Variants in LHFPL3 observed in about 807,000 individuals in gnomAD.
LHFPL3 encodes the protein LHFPL tetraspan subfamily member 3 protein.
LHFPL3 carries 5 observed loss-of-function variants against 19.3 expected under a neutral mutation model. That is an observed-to-expected ratio of 0.26 (90% CI 0.14 to 0.54). LHFPL3 has a LOEUF of 0.54. LHFPL3 is among the 20% of genes least tolerant of loss of function. The pLI is 0.94. For missense variants in LHFPL3, 249 were observed against 307.4 expected, an observed-to-expected ratio of 0.81 and a Z score of 1.42; for synonymous variants, 133 against 126.2, an observed-to-expected ratio of 1.05 and a Z score of -0.36.
intron 1 of LHFPL3, among the ~76,000 whole-genome samples, chr7:104,359,500 A>T (rs748024190): frequency 1.3e-5 from 2 of 152,230 alleles, no homozygotes; most frequent in Non-Finnish European, 2.9e-5. Flanking sequence ...ATGTAAAAAA[A>T]CTAAGTTTAA....
At chr7:104,575,577 A>C (rs1397400290) in intron 1 of LHFPL3, among the ~76,000 whole-genome samples, 2 of 149,726 alleles carry the variant, frequency 1.3e-5, no homozygotes, top group East Asian at 3.9e-4. Context: ...AAAAAAAAAA[A>C]AAAAAAAAAC....
At chr7:104,680,635 A>G (rs1792677789) in intron 1 of LHFPL3, among the ~76,000 whole-genome samples, 1 of 152,168 alleles carries the variant, frequency 6.6e-6, no homozygotes, top group Non-Finnish European at 1.5e-5. Context: ...CAGATCCTGA[A>G]AGCCTTTTGG....
chr7:104,874,316 T>C (rs1478444626), intron 2 of LHFPL3, among the ~76,000 whole-genome samples: 1 of 152,076 alleles, frequency 6.6e-6, no homozygotes, highest in African/African-American at 2.4e-5. Context: ...ATATTTGACT[T>C]ATATAAAAAG....
At chr7:104,496,325 T>C (rs1793479701) in intron 1 of LHFPL3, among the ~76,000 whole-genome samples, 1 of 152,232 alleles carries the variant, frequency 6.6e-6, no homozygotes, top group South Asian at 2.1e-4. Context: ...CTGCATAGTA[T>C]TCCATGGTGT....
chr7:104,507,126 C>T (rs1793714540), intron 1 of LHFPL3, among the ~76,000 whole-genome samples: 1 of 151,980 alleles, frequency 6.6e-6, no homozygotes, highest in Non-Finnish European at 1.5e-5. Flanking sequence ...TTTATAACAC[C>T]AAATACATTA....
At chr7:104,613,224 T>G (rs1199342083) in intron 1 of LHFPL3, among the ~76,000 whole-genome samples, 1 of 152,186 alleles carries the variant, frequency 6.6e-6, no homozygotes, top group Non-Finnish European at 1.5e-5. Context: ...TCCTGGCCAT[T>G]TAAAAGGAGT....
rs531408200 is a variant in LHFPL3 at position 104,438,812 on chromosome 7, A to AT, written c.445+109594dup. Among the ~76,000 whole-genome samples, 14 of 144,108 alleles carry AT rather than the reference A, an allele frequency of 9.7e-5. No individual in the cohort carries two copies. The South Asian group carries it at 3.0e-3, about 30-fold the overall frequency. 94.5% of individuals were successfully genotyped at this position (144,108 alleles called of 152,430 possible). A position where few individuals can be genotyped will look rare whatever the true frequency, so the allele number is the denominator to read the frequency against. On this transcript the variant is annotated intron_variant, in intron 1 of 2. Coordinates refer to ENST00000424859, the MANE Select transcript of LHFPL3 (RefSeq NM_199000.3). Reference sequence around the variant, plus strand: ...GAGAAATTTAACAAACCAAAAGTTGATTTTTTAAAAAAACAACAAAATTGT... The same window carrying AT: ...GAGAAATTTAACAAACCAAAAGTTGATTTTTTTAAAAAAACAACAAAATTGT...
At chr7:104,511,419 C>A (rs42209) in intron 1 of LHFPL3, among the ~76,000 whole-genome samples, 76,639 of 151,994 alleles carry the variant, frequency 0.5, 19,752 homozygotes, top group African/African-American at 0.59. Flanking sequence ...TTTCCTAAAA[C>A]ACTGAAACAT....
intron 1 of LHFPL3, among the ~76,000 whole-genome samples, chr7:104,430,448 ATATATATTTTTTTTTTTTTTTTTT>A (rs1791974095): frequency 9.5e-5 from 2 of 21,100 alleles, no homozygotes; most frequent in African/African-American, 5.5e-4. Flanking sequence ...ATATATATAT[ATATATATTTTTTTTTTTTTTTTTT>A]TTTTTTTTTT....
At chr7:104,754,859 C>T (rs192173378) in intron 2 of LHFPL3, among the ~76,000 whole-genome samples, 51 of 152,298 alleles carry the variant, frequency 3.3e-4, no homozygotes, top group African/African-American at 1.2e-3. Context: ...CTCTCCTTTA[C>T]TCTCATTTTT....
intron 1 of LHFPL3, among the ~76,000 whole-genome samples, chr7:104,603,176 TTTC>T (rs1791019988): frequency 6.7e-6 from 1 of 150,218 alleles, no homozygotes; most frequent in African/African-American, 2.5e-5. Context: ...TCTTTCTTTC[TTTC>T]TTTCTTCCTT....
chr7:104,812,589 CAGG>C (rs1790492382), intron 2 of LHFPL3, among the ~76,000 whole-genome samples: 1 of 151,274 alleles, frequency 6.6e-6, no homozygotes, highest in African/African-American at 2.4e-5. Context: ...CGTTTGAGGT[CAGG>C]AGTTCAAGAC....
At chr7:104,790,648 C>T (rs1177175781) in intron 2 of LHFPL3, among the ~76,000 whole-genome samples, 1 of 152,078 alleles carries the variant, frequency 6.6e-6, no homozygotes, top group Non-Finnish European at 1.5e-5. Flanking sequence ...TGTCAGGATG[C>T]CAAGCCCATC....
intron 1 of LHFPL3, among the ~76,000 whole-genome samples, chr7:104,348,528 C>T (rs1292241301): frequency 6.6e-6 from 1 of 152,086 alleles, no homozygotes; most frequent in East Asian, 1.9e-4. Context: ...GAAAATTTGG[C>T]ACTGAAAAAA....
intron 1 of LHFPL3, chr7:104,622,994 C>T (rs1791476856): frequency 8.1e-6 from 3 of 370,958 alleles, no homozygotes; most frequent in South Asian, 2.0e-5. Context: ...GGAGGATGCT[C>T]TCATTGTAAT....
chr7:104,525,130 A>G (rs1226222328), intron 1 of LHFPL3, among the ~76,000 whole-genome samples: 3 of 152,198 alleles, frequency 2.0e-5, no homozygotes, highest in African/African-American at 7.2e-5. Context: ...TGAGCTCCTC[A>G]ATGTGTATCA....
At chr7:104,422,722 T>A (rs752346047) in intron 1 of LHFPL3, among the ~76,000 whole-genome samples, 1 of 152,160 alleles carries the variant, frequency 6.6e-6, no homozygotes, top group Non-Finnish European at 1.5e-5. Flanking sequence ...TTATAAATGG[T>A]TAAGATAAAA....
chr7:104,701,096 C>A (rs984160427), intron 1 of LHFPL3, among the ~76,000 whole-genome samples: 6 of 152,154 alleles, frequency 3.9e-5, no homozygotes, highest in African/African-American at 1.4e-4. Context: ...TATGCCCTCT[C>A]GCTTGATGGA....
chr7:104,731,057 G>C (rs1793694147), intron 1 of LHFPL3, among the ~76,000 whole-genome samples: 1 of 152,178 alleles, frequency 6.6e-6, no homozygotes, highest in African/African-American at 2.4e-5. Context: ...GATAGTTGTA[G>C]ATGTGTGGTA....
Sources: gnomAD v4.1 joint callset for allele counts (sites outside exome capture counted in the v4.1 genomes callset) on GRCh38, gnomAD v4.1.1 for gene constraint, MANE v1.5 for transcripts, NCBI Gene and HGNC (gene_info 2026-07-23, HGNC 2026-07-21) for gene names.